The following RAD51AP2 variants were observed in gnomAD, a reference collection of about 807,000 sequenced individuals.
RAD51AP2 encodes RAD51-associated protein 2.
RAD51AP2 carries 67 observed loss-of-function variants against 85.5 expected under a neutral mutation model. The observed-to-expected ratio is 0.78, with a 90% CI of 0.64 to 0.96. RAD51AP2 has a LOEUF of 0.96. Among genes scored for constraint, RAD51AP2 ranks in the 40% least tolerant of loss-of-function variants. The pLI, the probability that RAD51AP2 is intolerant of heterozygous loss-of-function variation, is 0.00. For synonymous variants in RAD51AP2, 474 were observed against 446.5 expected (o/e 1.06, Z -0.78); for missense variants, 1,307 against 1,332.4 (o/e 0.98, Z 0.30).
Position 17,517,837 on chromosome 2 carries a change from T to G in RAD51AP2, c.579A>C (p.Leu193Phe), listed in dbSNP as rs772702888. The G allele has an allele frequency of 4.3e-6, 7 of 1,614,074 alleles. No homozygotes were observed. Among genetic ancestry groups the G allele is most frequent in the Non-Finnish European group, 5.9e-6 (7 of 1,180,012 alleles). The change falls in exon 1 of 3, where the codon TTA (leucine) becomes TTC (phenylalanine). Residue 193 changes from leucine (L) to phenylalanine (F), a missense_variant. Around this residue, in one of 3 missense-constraint regions of RAD51AP2, gnomAD observed 635 missense variants for 643.6 expected, o/e 0.99. Transcript: ENST00000399080. ...RDNVHKENPF[L>F]DVTFYKETKS... ...TAGTTTCCTTGTAAAAGGTAACATC[T>G]AAAAATGGATTTTCTTTGTGAACAT...
upstream of RAD51AP2, among the ~76,000 whole-genome samples, chr2:17,519,308 C>CA (rs5829595): frequency 0.29 from 43,969 of 150,430 alleles, 8,205 homozygotes; most frequent in East Asian, 0.87. Context: ...GATTTCCAGT[C>CA]AATTCTGGTT....
At chr2:17,524,374 T>C in the RAD51AP2 span, among the ~76,000 whole-genome samples, 2 of 151,982 alleles carry the variant, frequency 1.3e-5, no homozygotes, top group Non-Finnish European at 2.9e-5. Context: ...TTATAGTTTA[T>C]TTCAGTATAA....
the RAD51AP2 span, among the ~76,000 whole-genome samples, chr2:17,535,470 G>A: frequency 6.6e-6 from 1 of 152,264 alleles, no homozygotes; most frequent in South Asian, 2.1e-4. Flanking sequence ...CAACAGTTAG[G>A]AGAATGAGAA....
the RAD51AP2 span, among the ~76,000 whole-genome samples, chr2:17,527,687 A>C: frequency 2.0e-4 from 31 of 152,320 alleles, no homozygotes; most frequent in African/African-American, 7.5e-4. Flanking sequence ...TTGACTAGAA[A>C]AATAAACATA....
intron 1 of RAD51AP2, 54 bp from the exon 2 acceptor site, chr2:17,514,146 T>G (rs1007147401): frequency 3.2e-6 from 3 of 945,838 alleles, no homozygotes; most frequent in Non-Finnish European, 4.9e-6. Flanking sequence ...TATAAAATAT[T>G]AATGGTATAA....
At chr2:17,523,215 A>C (rs991638772), upstream of RAD51AP2, among the ~76,000 whole-genome samples, 1 of 151,920 alleles carries the variant, frequency 6.6e-6, no homozygotes, top group African/African-American at 2.4e-5. Context: ...TCCATTTAAA[A>C]ACATTTTTAA....
chr2:17,521,010 C>A (rs1306886494), upstream of RAD51AP2, among the ~76,000 whole-genome samples: 1 of 152,060 alleles, frequency 6.6e-6, no homozygotes, highest in Non-Finnish European at 1.5e-5. Flanking sequence ...CTGTAGAACA[C>A]TTAAAATGTC....
the RAD51AP2 span, among the ~76,000 whole-genome samples, chr2:17,526,183 G>A: frequency 2.6e-5 from 4 of 151,700 alleles, no homozygotes; most frequent in African/African-American, 7.3e-5. Flanking sequence ...AAAAAGTAAA[G>A]CATAAAAAGA....
the RAD51AP2 span, among the ~76,000 whole-genome samples, chr2:17,526,201 T>C: frequency 6.6e-6 from 1 of 152,134 alleles, no homozygotes; most frequent in Admixed American, 6.5e-5. Flanking sequence ...AGACAGAGGA[T>C]TTTCTTTTTT....
Position 17,510,898 on chromosome 2 carries a change from G to A in RAD51AP2, c.3386C>T (p.Pro1129Leu), listed in dbSNP as rs1662473676. ...TTTTCTTGACAAACCAATCCTGATT[G>A]GCCTACTGCATGTCTTAAGCGGTCG... Reference protein sequence around the residue: ...RVRPLKTCSRPIRIGLSRKAR... With the variant: ...RVRPLKTCSRLIRIGLSRKAR... The change falls in exon 3 of 3, where the codon CCA becomes CTA. Residue 1129 changes from proline to leucine, a missense_variant. Transcript: ENST00000399080. The A allele has an allele frequency of 1.9e-6, 3 of 1,608,358 alleles. No individual in the cohort carries two copies. Among genetic ancestry groups the A allele is most frequent in the Non-Finnish European group, 2.5e-6 (3 of 1,176,740 alleles).
Position 17,510,806 on chromosome 2 carries a change from A to G in RAD51AP2, c.3478T>C (p.Ter1160ArgextTer11). 2 of 1,559,796 alleles carry G rather than the reference A, an allele frequency of 1.3e-6. No individual in the cohort carries two copies. The highest frequency in any genetic ancestry group is 1.4e-5 in the African/African-American group (1 of 73,306). Residue 1160 changes from the stop codon to arginine, a stop_lost, in exon 3 of 3, where the codon TGA becomes CGA. Coordinates refer to ENST00000399080, the MANE Select transcript of RAD51AP2 (RefSeq NM_001099218.3). Reference sequence around the variant, plus strand: ...TAAAATGTTTTGAAATATGAAAGTCAAAAATTTTCTTTTAAGTTTCCGTAA... The same window carrying G: ...TAAAATGTTTTGAAATATGAAAGTCGAAAATTTTCTTTTAAGTTTCCGTAA... The part of the protein sequence containing the change: ...MCYGNLKENF[*>R]
rs1662635338 is a variant in RAD51AP2 at position 17,515,646 on chromosome 2, C to T, written c.2770G>A (p.Ala924Thr). ...SKDFHRKNDSALYINHQFETG... is the reference protein window; with the variant it reads ...SKDFHRKNDSTLYINHQFETG... Reference sequence around the variant, plus strand: ...TCAAATTGATGATTAATATATAATGCAGAGTCATTCTTTCTGTGAAAATCC... The same window carrying T: ...TCAAATTGATGATTAATATATAATGTAGAGTCATTCTTTCTGTGAAAATCC... The change falls in exon 1 of 3, where the codon GCA becomes ACA. Residue 924 changes from alanine to threonine, a missense_variant. Physicochemically the swap from Ala to Thr is moderately conservative, Grantham distance 58. Around this residue, in one of 3 missense-constraint regions of RAD51AP2, gnomAD observed 668 missense variants for 671.0 expected, o/e 1.00. Coordinates refer to ENST00000399080, the MANE Select transcript of RAD51AP2 (RefSeq NM_001099218.3). The T allele has an allele frequency of 2.5e-6, 4 of 1,612,646 alleles. No homozygotes were observed. The highest frequency in any genetic ancestry group is 3.4e-6 in the Non-Finnish European group (4 of 1,179,480).
In RAD51AP2 at chr2:17,516,594, T is replaced by A. The variant is rs1025998276; in HGVS notation, c.1822A>T (p.Ile608Phe). 6.3e-7 allele frequency: 1 copy of A among 1,585,940 alleles called. No individual in the cohort carries two copies. The highest frequency in any genetic ancestry group is 1.4e-5 in the African/African-American group (1 of 73,776). ...ENDFELEEEC[I>F]FKCMLYLKYP... ...TTCAAATAAAGCATGCACTTGAAAA[T>A]GCATTCCTCTTCTAATTCAAAATCA... is the stretch of plus-strand genomic sequence containing the variant. The change falls in exon 1 of 3, where the codon ATT (isoleucine) becomes TTT (phenylalanine). Residue 608 changes from isoleucine (I) to phenylalanine (F), a missense_variant. Physicochemically the swap from Ile to Phe is conservative, Grantham distance 21 (BLOSUM62 0). This residue lies in a region of RAD51AP2 where 668 missense variants were observed against 671.0 expected (regional missense o/e 1.00). Transcript: ENST00000399080.
At chr2:17,529,048 G>A in the RAD51AP2 span, among the ~76,000 whole-genome samples, 1 of 151,986 alleles carries the variant, frequency 6.6e-6, no homozygotes, top group African/African-American at 2.4e-5. Flanking sequence ...CAAGTCTTAT[G>A]TGTTTTCTTT....
chr2:17,532,109 C>T, the RAD51AP2 span, among the ~76,000 whole-genome samples: 1 of 152,108 alleles, frequency 6.6e-6, no homozygotes, highest in Admixed American at 6.6e-5. Context: ...CCAGAATATT[C>T]TTTATCATAA....
In RAD51AP2 at chr2:17,516,350, G is replaced by T; in HGVS notation, c.2066C>A (p.Pro689His). The T allele has an allele frequency of 6.2e-7, 1 of 1,611,518 alleles. No individual in the cohort carries two copies. The highest frequency in any genetic ancestry group is 8.5e-7 in the Non-Finnish European group (1 of 1,179,198). Residue 689 changes from proline (P) to histidine (H), a missense_variant, in exon 1 of 3, where the codon CCC becomes CAC. By Grantham distance (77) the Pro-to-His change is moderately conservative. Coordinates refer to ENST00000399080, the MANE Select transcript of RAD51AP2 (RefSeq NM_001099218.3). ...CATGTCATCAAAGTCCATTAAAAGG[G>T]GAATTTTTTCATATGTTTCAAAAAT... ...FPIFETYEKIPLLMDFDDMDE... is the reference protein window; with the variant it reads ...FPIFETYEKIHLLMDFDDMDE...
rs1397826299 is a variant in RAD51AP2, at chr2:17,517,402, A to G, written c.1014T>C (p.Asn338=). Residue 338 remains asparagine, a synonymous_variant, in exon 1 of 3, where the codon AAT becomes AAC. Transcript: ENST00000399080. ...TGATCAAGTCTTTTCTCTTACAAGT[A>G]TTTTGGCTACTGAGTGATGGGTAGT... The part of the protein sequence containing the change: ...ENDYPSLSSQ[N]TCKRKDLISS... 1 of 1,613,644 alleles carries G rather than the reference A, an allele frequency of 6.2e-7. No individual in the cohort carries two copies. The highest frequency in any genetic ancestry group is 2.2e-5 in the East Asian group (1 of 44,866).
rs200773447 is a variant in RAD51AP2, at chr2:17,516,179, C to G, written c.2237G>C (p.Arg746Pro). 17 of 1,613,190 alleles carry G rather than the reference C, an allele frequency of 1.1e-5. No homozygotes were observed. Among genetic ancestry groups the G allele is most frequent in the Middle Eastern group, 1.6e-4 (1 of 6,076 alleles). Reference sequence around the variant, plus strand: ...ATAAAAATTTTCATTAATGTATCCTCGGTTGTTCTGTATAAATTGAGGACA... The same window carrying G: ...ATAAAAATTTTCATTAATGTATCCTGGGTTGTTCTGTATAAATTGAGGACA... Reference protein sequence around the residue: ...NSCPQFIQNNRGYINENFYEV... With the variant: ...NSCPQFIQNNPGYINENFYEV... The change falls in exon 1 of 3, where the codon CGA (arginine) becomes CCA (proline). Residue 746 changes from arginine to proline, a missense_variant. Arg to Pro is a moderately radical substitution (Grantham distance 103). Around this residue, in one of 3 missense-constraint regions of RAD51AP2, gnomAD observed 668 missense variants for 671.0 expected, o/e 1.00. Coordinates refer to ENST00000399080, the MANE Select transcript of RAD51AP2 (RefSeq NM_001099218.3).
At chr2:17,524,082 A>G in the RAD51AP2 span, among the ~76,000 whole-genome samples, 1 of 151,940 alleles carries the variant, frequency 6.6e-6, no homozygotes, top group African/African-American at 2.4e-5. Flanking sequence ...ATAAAAGGAT[A>G]ACCAACAATA....
Sources: gnomAD v4.1 joint callset for allele counts (sites outside exome capture counted in the v4.1 genomes callset) on GRCh38, gnomAD v4.1.1 for gene constraint, gnomAD v4.1.1 regional missense constraint, MANE v1.5 for transcripts, NCBI Gene and HGNC (gene_info 2026-07-23, HGNC 2026-07-21) for gene names.